The following ABLIM1 variants were observed in gnomAD, a reference collection of about 807,000 sequenced individuals.
ABLIM1 encodes actin-binding LIM protein 1.
ABLIM1 carries 40 observed loss-of-function variants against 107.0 expected under a neutral mutation model. The observed-to-expected ratio is 0.37, with a 90% CI of 0.29 to 0.49. The LOEUF is 0.49. Ranked by LOEUF, ABLIM1 falls within the 20% of genes least tolerant of loss-of-function variation. The pLI, the probability that ABLIM1 is intolerant of heterozygous loss-of-function variation, is 0.97. For missense variants in ABLIM1, 857 were observed against 1,008.5 expected, an observed-to-expected ratio of 0.85 and a Z score of 2.04; for synonymous variants, 357 against 357.3, an observed-to-expected ratio of 1.00 and a Z score of 0.01.
At chr10:114,572,451 T>C (rs946910147) in intron 3 of ABLIM1, among the ~76,000 whole-genome samples, 1 of 152,196 alleles carries the variant, frequency 6.6e-6, no homozygotes. Context: ...ACCCCACAAA[T>C]GTGGCTGGCT....
At chr10:114,631,502 C>A (rs952768870) in intron 1 of ABLIM1, among the ~76,000 whole-genome samples, 7 of 152,140 alleles carry the variant, frequency 4.6e-5, no homozygotes, top group African/African-American at 1.7e-4. Context: ...CACAGCCCAG[C>A]CGTGGCAGGA....
At chr10:114,659,981 C>G (rs1008571795), upstream of ABLIM1, among the ~76,000 whole-genome samples, 1 of 152,130 alleles carries the variant, frequency 6.6e-6, no homozygotes. Context: ...AATTCAAGAA[C>G]CTGAGAATTC....
At chr10:114,624,573 T>C (rs368390773) in intron 1 of ABLIM1, among the ~76,000 whole-genome samples, 40 of 152,314 alleles carry the variant, frequency 2.6e-4, no homozygotes, top group African/African-American at 8.9e-4. Context: ...CCAACCTCCA[T>C]TTCAGATGCC....
intron 1 of ABLIM1, among the ~76,000 whole-genome samples, chr10:114,758,744 A>G (rs137859547): frequency 6.6e-6 from 1 of 152,316 alleles, no homozygotes; most frequent in East Asian, 1.9e-4. Context: ...GTTGAGAAAG[A>G]AAAGTATCAG....
At chr10:114,463,596 T>C (rs1161310175) in intron 12 of ABLIM1, among the ~76,000 whole-genome samples, 1 of 151,678 alleles carries the variant, frequency 6.6e-6, no homozygotes, top group African/African-American at 2.4e-5. Flanking sequence ...TAAGCAAACA[T>C]CCCACTGTAA....
intron 6 of ABLIM1, among the ~76,000 whole-genome samples, chr10:114,535,328 T>C (rs748676551): frequency 2.0e-5 from 3 of 152,002 alleles, no homozygotes; most frequent in Non-Finnish European, 4.4e-5. Flanking sequence ...TTTTTCTCCC[T>C]GAGATGTTGT....
the ABLIM1 span, among the ~76,000 whole-genome samples, chr10:114,796,553 C>T: frequency 6.6e-6 from 1 of 152,196 alleles, no homozygotes; most frequent in Non-Finnish European, 1.5e-5. Flanking sequence ...CTACCCTTCA[C>T]ATAAACTGAC....
intron 1 of ABLIM1, among the ~76,000 whole-genome samples, chr10:114,667,105 A>G (rs2080057637): frequency 6.6e-6 from 1 of 152,212 alleles, no homozygotes; most frequent in Non-Finnish European, 1.5e-5. Context: ...GGATCCACAT[A>G]TTAGTTATTA....
At chr10:114,574,879 A>G (rs1002834204) in intron 3 of ABLIM1, among the ~76,000 whole-genome samples, 5 of 152,258 alleles carry the variant, frequency 3.3e-5, no homozygotes, top group African/African-American at 9.6e-5. Flanking sequence ...TGCGGACCAT[A>G]TGGTCTCTGT....
At chr10:114,671,805 TA>T (rs376742468) in intron 1 of ABLIM1, among the ~76,000 whole-genome samples, 2 of 152,380 alleles carry the variant, frequency 1.3e-5, no homozygotes, top group Non-Finnish European at 2.9e-5. Context: ...TTGTGAAGTA[TA>T]CACCTATGTG....
chr10:114,613,850 T>A, intron 1 of ABLIM1: 1 of 681,186 alleles, frequency 1.5e-6, no homozygotes, highest in Non-Finnish European at 2.2e-6. Flanking sequence ...CTAATTTTGC[T>A]GGGTGTAACC....
chr10:114,584,371 T>C (rs1474762557), intron 2 of ABLIM1, among the ~76,000 whole-genome samples: 7 of 152,182 alleles, frequency 4.6e-5, no homozygotes, highest in Non-Finnish European at 1.0e-4. Context: ...GTTAGTCTAT[T>C]CATCAAACCC....
chr10:114,432,886 A>G lies in ABLIM1; in HGVS notation c.*3374T>C, dbSNP rs1430277670. On this transcript the variant is annotated 3_prime_UTR_variant, in exon 23 of 23. Coordinates refer to ENST00000533213, the MANE Select transcript of ABLIM1 (RefSeq NM_002313.7). ...AGTTATTGAACACGTCATATTAAGA[A>G]CATTTCATAACTAACCCCAAACCAA... 6.6e-6 allele frequency: 1 copy of G among 152,230 alleles called. No homozygotes were observed. The highest frequency in any genetic ancestry group is 1.5e-5 in the Non-Finnish European group (1 of 68,038). 9.4% of individuals were successfully genotyped at this position (152,230 alleles called of 1,614,324 possible).
At chr10:114,755,003 C>A (rs2082597910) in intron 1 of ABLIM1, among the ~76,000 whole-genome samples, 1 of 152,082 alleles carries the variant, frequency 6.6e-6, no homozygotes, top group African/African-American at 2.4e-5. Context: ...ATCCAAAAAC[C>A]TCAGGCCAGA....
At chr10:114,591,780 A>ATT (rs5788074) in intron 2 of ABLIM1, among the ~76,000 whole-genome samples, 7 of 151,682 alleles carry the variant, frequency 4.6e-5, no homozygotes, top group South Asian at 2.1e-4. Context: ...CAAACTTTGG[A>ATT]TTTTTTTTCA....
In ABLIM1 at chr10:114,528,885, G is replaced by A. The variant is rs114256794; in HGVS notation, c.894+16120C>T. ...GATATGCAGGTGATTGTTAGGCATA[G>A]TGGTTTTAGAACCTCAGCCTTAGAT... On this transcript the variant is annotated intron_variant, in intron 6 of 22. Transcript: ENST00000533213. Among the ~76,000 whole-genome samples the A allele has an allele frequency of 3.7e-3, 560 of 152,346 alleles. 4 individuals are homozygous for A. The highest frequency in any genetic ancestry group is 0.01 in the African/African-American group (424 of 41,578).
chr10:114,780,455 G>A, the ABLIM1 span, among the ~76,000 whole-genome samples: 1 of 152,210 alleles, frequency 6.6e-6, no homozygotes, highest in Non-Finnish European at 1.5e-5. Flanking sequence ...AGAACAAAAA[G>A]TGGATTAGTC....
chr10:114,462,755 AATAT>A (rs60395105), intron 12 of ABLIM1, among the ~76,000 whole-genome samples: 6 of 150,148 alleles, frequency 4.0e-5, no homozygotes, highest in Non-Finnish European at 5.9e-5. Context: ...ACAAAATAAT[AATAT>A]ATATATATAT....
At chr10:114,541,634 C>T (rs1028590987) in intron 6 of ABLIM1, among the ~76,000 whole-genome samples, 2 of 152,192 alleles carry the variant, frequency 1.3e-5, no homozygotes, top group South Asian at 2.1e-4. Context: ...GGAGGCTGAA[C>T]ATGGTGCAAA....
Sources: gnomAD v4.1 joint callset for allele counts (sites outside exome capture counted in the v4.1 genomes callset) on GRCh38, gnomAD v4.1.1 for gene constraint, MANE v1.5 for transcripts, NCBI Gene and HGNC (gene_info 2026-07-23, HGNC 2026-07-21) for gene names.